Variants in PTPRD observed in about 807,000 individuals in gnomAD.
The protein encoded by PTPRD is protein tyrosine phosphatase receptor type D.
A neutral mutation model predicts 214.5 loss-of-function variants in PTPRD; 34 were observed. The ratio of observed to expected loss-of-function variants is 0.16; its 90% CI spans 0.12 to 0.21. The LOEUF (loss-of-function observed/expected upper bound fraction) is 0.21, where lower values mean the gene tolerates loss of function less well. Ranked by LOEUF, PTPRD falls within the 10% of genes least tolerant of loss-of-function variation. The pLI, the probability that PTPRD is intolerant of heterozygous loss-of-function variation, is 1.00. For missense variants in PTPRD, 2,545 were observed against 2,398.7 expected (o/e 1.06, Z -1.27); for synonymous variants, 1,128 against 845.7 (o/e 1.33, Z -5.79).
At chr9:9,567,053 A>G (rs930157539) in intron 8 of PTPRD, among the ~76,000 whole-genome samples, 1 of 152,028 alleles carries the variant, frequency 6.6e-6, no homozygotes, top group Non-Finnish European at 1.5e-5. Flanking sequence ...TAAAATAATC[A>G]GTCTAATGGA....
At chr9:9,931,714 T>C (rs1409905759) in intron 5 of PTPRD, among the ~76,000 whole-genome samples, 2 of 151,586 alleles carry the variant, frequency 1.3e-5, no homozygotes. Context: ...TCGAACTGGG[T>C]GGAGTCCACC....
At chr9:9,963,418 T>C (rs1283811881) in intron 4 of PTPRD, among the ~76,000 whole-genome samples, 1 of 135,584 alleles carries the variant, frequency 7.4e-6, no homozygotes, top group Non-Finnish European at 1.5e-5. Context: ...GTTTCTCCTT[T>C]ATAACTTTAT....
At chr9:9,775,225 C>G (rs2098787870) in intron 5 of PTPRD, among the ~76,000 whole-genome samples, 1 of 152,114 alleles carries the variant, frequency 6.6e-6, no homozygotes, top group African/African-American at 2.4e-5. Flanking sequence ...AGAATTTTAT[C>G]CATGAAGGTC....
At chr9:9,334,087 C>T (rs536399620) in intron 9 of PTPRD, among the ~76,000 whole-genome samples, 1 of 151,734 alleles carries the variant, frequency 6.6e-6, no homozygotes, top group Admixed American at 6.6e-5. Context: ...AGTGTATATG[C>T]CCGTAATGTA....
chr9:9,492,876 T>C (rs1286925938), intron 8 of PTPRD, among the ~76,000 whole-genome samples: 1 of 150,286 alleles, frequency 6.7e-6, no homozygotes, highest in African/African-American at 2.5e-5. Context: ...ATATTTGTTA[T>C]GTTGGTCCAT....
At chr9:10,513,585 G>GT (rs2049009825) in intron 2 of PTPRD, among the ~76,000 whole-genome samples, 1 of 152,138 alleles carries the variant, frequency 6.6e-6, no homozygotes, top group Non-Finnish European at 1.5e-5. Flanking sequence ...TGGGAACATG[G>GT]TAAGATTGTA....
chr9:9,214,569 G>T (rs1417031498), intron 9 of PTPRD, among the ~76,000 whole-genome samples: 4 of 151,836 alleles, frequency 2.6e-5, no homozygotes, highest in Admixed American at 2.6e-4. Context: ...TCAATGAGGA[G>T]AAAGCAAATA....
At chr9:10,073,642 C>G (rs1354515335) in intron 3 of PTPRD, among the ~76,000 whole-genome samples, 2 of 152,054 alleles carry the variant, frequency 1.3e-5, no homozygotes, top group Admixed American at 1.3e-4. Context: ...GTTCCTTTGC[C>G]TTTGAGTCCA....
intron 3 of PTPRD, among the ~76,000 whole-genome samples, chr9:10,110,934 G>C (rs1395184928): frequency 6.6e-6 from 1 of 152,096 alleles, no homozygotes; most frequent in Admixed American, 6.6e-5. Context: ...TCATGATCTG[G>C]ACTGCTATTT....
chr9:9,388,197 C>G (rs2064558146), intron 9 of PTPRD, among the ~76,000 whole-genome samples: 3 of 152,184 alleles, frequency 2.0e-5, no homozygotes, highest in Non-Finnish European at 4.4e-5. Flanking sequence ...TGTCCAGCAA[C>G]TTCTGTCCTT....
At chr9:10,069,307 G>A (rs576745491) in intron 3 of PTPRD, among the ~76,000 whole-genome samples, 3 of 152,064 alleles carry the variant, frequency 2.0e-5, no homozygotes, top group African/African-American at 7.2e-5. Context: ...GTGCAAACAA[G>A]AAGTTGTTCC....
At chr9:9,118,008 G>A (rs931559142) in intron 10 of PTPRD, among the ~76,000 whole-genome samples, 1 of 152,144 alleles carries the variant, frequency 6.6e-6, no homozygotes, top group Non-Finnish European at 1.5e-5. Flanking sequence ...TTCTTAGACA[G>A]GGACATGCAA....
chr9:9,194,281 A>G (rs1352353889), intron 9 of PTPRD, among the ~76,000 whole-genome samples: 1 of 152,190 alleles, frequency 6.6e-6, no homozygotes, highest in African/African-American at 2.4e-5. Flanking sequence ...TATTACAGTT[A>G]ACTTTTTGTT....
At chr9:9,071,707 C>G (rs1292010968) in intron 10 of PTPRD, among the ~76,000 whole-genome samples, 1 of 152,050 alleles carries the variant, frequency 6.6e-6, no homozygotes, top group East Asian at 1.9e-4. Flanking sequence ...AAAATGCAAC[C>G]CGGCTGATAA....
chr9:8,377,509 T>C (rs1311707889), intron 37 of PTPRD, among the ~76,000 whole-genome samples: 1 of 152,112 alleles, frequency 6.6e-6, no homozygotes, highest in Non-Finnish European at 1.5e-5. Flanking sequence ...AATGAGTCTG[T>C]TGGGCATTAA....
intron 14 of PTPRD, among the ~76,000 whole-genome samples, chr9:8,557,813 T>C (rs1049268105): frequency 6.7e-5 from 9 of 135,124 alleles, no homozygotes; most frequent in South Asian, 2.5e-4. Context: ...CACACATATA[T>C]ACACACACAC....
At chr9:8,421,352 C>T (rs1038719881) in intron 35 of PTPRD, among the ~76,000 whole-genome samples, 3 of 145,648 alleles carry the variant, frequency 2.1e-5, no homozygotes, top group African/African-American at 7.8e-5. Context: ...TTTCTTTCTT[C>T]TTCTCTCTTC....
In PTPRD at chr9:10,471,512, G is replaced by C. The variant is rs144091996; in HGVS notation, c.-599-130495C>G. Among the ~76,000 whole-genome samples the C allele has an allele frequency of 3.8e-3, 576 of 152,066 alleles. 5 individuals are homozygous for C. Among genetic ancestry groups the C allele is most frequent in the African/African-American group, 0.013 (546 of 41,514 alleles). On this transcript the variant is annotated intron_variant, in intron 2 of 45. Transcript: ENST00000381196. The stretch of plus-strand genomic sequence containing the variant: ...CCCTGGCTTGTCATCTGAGTTTTTA[G>C]TGTTTGTATGATTTTGTACCTGTTT...
intron 5 of PTPRD, among the ~76,000 whole-genome samples, chr9:9,843,891 T>G (rs112259526): frequency 6.6e-6 from 1 of 152,058 alleles, no homozygotes; most frequent in African/African-American, 2.4e-5. Context: ...TCTTATCGAA[T>G]AGACCATGAC....
Sources: allele counts gnomAD v4.1 joint callset (sites outside exome capture counted in the v4.1 genomes callset), GRCh38; gene constraint gnomAD v4.1.1; transcripts MANE v1.5; gene names NCBI Gene and HGNC (gene_info 2026-07-23, HGNC 2026-07-21).